Variants in SUGCT observed in about 807,000 individuals in gnomAD.
SUGCT encodes succinyl-CoA:glutarate-CoA transferase.
SUGCT carries 41 observed loss-of-function variants against 55.0 expected under a neutral mutation model. The ratio of observed to expected loss-of-function variants is 0.74; its 90% confidence interval spans 0.58 to 0.97. The LOEUF (loss-of-function observed/expected upper bound fraction) is 0.97, where lower values mean the gene tolerates loss of function less well. SUGCT is among the 50% of genes least tolerant of loss of function. The pLI, the probability that SUGCT is intolerant of heterozygous loss-of-function variation, is 0.00. For missense variants in SUGCT, 568 were observed against 547.8 expected (o/e 1.04, Z -0.37); for synonymous variants, 187 against 200.4 (o/e 0.93, Z 0.56).
At chr7:40,305,207 G>A (rs541985252) in intron 8 of SUGCT, among the ~76,000 whole-genome samples, 2 of 152,318 alleles carry the variant, frequency 1.3e-5, no homozygotes, top group East Asian at 1.9e-4. Context: ...ACTGAACAAG[G>A]CAAATTTCAG....
intron 9 of SUGCT, among the ~76,000 whole-genome samples, chr7:40,405,808 T>A (rs1786331590): frequency 3.3e-5 from 3 of 90,940 alleles, no homozygotes; most frequent in African/African-American, 1.2e-4. Flanking sequence ...AGACTCTGTC[T>A]AAAAAAAAAA....
the SUGCT span, among the ~76,000 whole-genome samples, chr7:41,008,750 G>A: frequency 2.0e-5 from 3 of 152,028 alleles, no homozygotes; most frequent in East Asian, 2.0e-4. Flanking sequence ...GGGCAAATGC[G>A]CCCTTCCCTG....
intron 12 of SUGCT, among the ~76,000 whole-genome samples, chr7:40,583,707 A>G (rs1797222133): frequency 6.6e-6 from 1 of 152,188 alleles, no homozygotes; most frequent in Admixed American, 6.5e-5. Flanking sequence ...CTTGGAATTA[A>G]TATATTGCCA....
chr7:40,683,301 C>T (rs1398300177), intron 12 of SUGCT, among the ~76,000 whole-genome samples: 2 of 152,124 alleles, frequency 1.3e-5, no homozygotes, highest in Non-Finnish European at 2.9e-5. Context: ...CTGTGTAGCC[C>T]TGAAACTTCT....
At chr7:40,758,051 G>T (rs1445533694) in intron 13 of SUGCT, among the ~76,000 whole-genome samples, 1 of 152,132 alleles carries the variant, frequency 6.6e-6, no homozygotes, top group Non-Finnish European at 1.5e-5. Flanking sequence ...TACCAGTTTG[G>T]ACTTCAGTAT....
At chr7:40,261,250 TC>T (rs1332686235) in intron 7 of SUGCT, among the ~76,000 whole-genome samples, 1 of 152,172 alleles carries the variant, frequency 6.6e-6, no homozygotes, top group Non-Finnish European at 1.5e-5. Context: ...GAATATTAGC[TC>T]ATATCAGAGA....
intron 13 of SUGCT, among the ~76,000 whole-genome samples, chr7:40,857,787 A>C (rs1304704464): frequency 6.6e-6 from 1 of 152,234 alleles, no homozygotes; most frequent in Non-Finnish European, 1.5e-5. Flanking sequence ...TAGCCAGAAT[A>C]GATAAATCCA....
intron 8 of SUGCT, among the ~76,000 whole-genome samples, chr7:40,311,848 A>C (rs56201823): frequency 1.1e-4 from 16 of 152,310 alleles, no homozygotes; most frequent in Admixed American, 3.3e-4. Context: ...ATTTTCATTC[A>C]TTTGTTAAAA....
intron 7 of SUGCT, among the ~76,000 whole-genome samples, chr7:40,255,502 A>C (rs1352318748): frequency 6.6e-6 from 1 of 151,406 alleles, no homozygotes; most frequent in African/African-American, 2.4e-5. Flanking sequence ...GCTCTGCTAA[A>C]ATACAAAAAT....
intron 13 of SUGCT, among the ~76,000 whole-genome samples, chr7:40,751,522 C>G (rs1788011634): frequency 6.6e-6 from 1 of 152,140 alleles, no homozygotes; most frequent in Admixed American, 6.5e-5. Context: ...TAGAAAACAT[C>G]TGGTCTAGTA....
intron 7 of SUGCT, among the ~76,000 whole-genome samples, chr7:40,273,951 G>A (rs953960277): frequency 7.2e-5 from 11 of 152,190 alleles, no homozygotes; most frequent in Admixed American, 5.2e-4. Flanking sequence ...TAATTCAGGG[G>A]CAGTCTGCTA....
At chr7:40,993,884 A>G in the SUGCT span, among the ~76,000 whole-genome samples, 2 of 152,214 alleles carry the variant, frequency 1.3e-5, no homozygotes, top group Admixed American at 1.3e-4. Flanking sequence ...TATCAGGAAC[A>G]AGTGAAAAAA....
At chr7:40,471,672 C>G (rs1005991689) in intron 11 of SUGCT, among the ~76,000 whole-genome samples, 11 of 151,994 alleles carry the variant, frequency 7.2e-5, no homozygotes, top group Admixed American at 5.2e-4. Flanking sequence ...CAGAATTTAA[C>G]AAATTCTAAA....
chr7:40,547,041 C>A (rs1410177547), intron 12 of SUGCT: 1 of 151,846 alleles, frequency 6.6e-6, no homozygotes, highest in Non-Finnish European at 1.5e-5. Context: ...TCTGGAGAAC[C>A]CTGACAACTA....
At chr7:41,015,491 T>C in the SUGCT span, among the ~76,000 whole-genome samples, 9 of 152,184 alleles carry the variant, frequency 5.9e-5, no homozygotes, top group Admixed American at 2.0e-4. Context: ...TCTTTGAAAG[T>C]AGAGCCCTAA....
chr7:40,278,791 A>G (rs1358512003), intron 8 of SUGCT, among the ~76,000 whole-genome samples: 1 of 149,684 alleles, frequency 6.7e-6, no homozygotes, highest in Non-Finnish European at 1.5e-5. Context: ...CCTTATGTGG[A>G]ACTAAGGTTT....
rs114989152 is a variant in SUGCT at position 40,502,427 on chromosome 7, A to T, written c.1089+6041A>T. On this transcript the variant is annotated intron_variant, in intron 12 of 13. Transcript: ENST00000335693. ...GTTTAGCACAGTGCTTTACAATAAA[A>T]ATCTAATGCAAGCCATATTTATGAT... Among the ~76,000 whole-genome samples, 390 of 152,230 alleles carry T rather than the reference A, an allele frequency of 2.6e-3. 1 individual carries two copies. The highest frequency in any genetic ancestry group is 9.1e-3 in the African/African-American group (379 of 41,576).
At chr7:40,693,413 C>T (rs1399893660) in intron 12 of SUGCT, among the ~76,000 whole-genome samples, 2 of 152,174 alleles carry the variant, frequency 1.3e-5, no homozygotes, top group Non-Finnish European at 2.9e-5. Context: ...TACATGCATT[C>T]ATGCATTGAA....
chr7:40,386,055 G>A (rs561812188), intron 9 of SUGCT, among the ~76,000 whole-genome samples: 5 of 152,278 alleles, frequency 3.3e-5, no homozygotes, highest in African/African-American at 9.6e-5. Context: ...AAAGAAATAT[G>A]TGGTGTTGTC....
Sources: allele counts gnomAD v4.1 joint callset (sites outside exome capture counted in the v4.1 genomes callset), GRCh38; gene constraint gnomAD v4.1.1; transcripts MANE v1.5; gene names NCBI Gene and HGNC (gene_info 2026-07-23, HGNC 2026-07-21).